The following TSNAXIP1 variants were observed in gnomAD, a reference collection of about 807,000 sequenced individuals.
TSNAXIP1 encodes the protein translin-associated factor X-interacting protein 1.
In TSNAXIP1, 89 loss-of-function variants were observed where a neutral mutation model predicts 84.8. The ratio of observed to expected loss-of-function variants is 1.05; its 90% CI spans 0.88 to 1.25. The LOEUF (loss-of-function observed/expected upper bound fraction) is 1.25, where lower values mean the gene tolerates loss of function less well. Among genes scored for constraint, TSNAXIP1 ranks in the 50% most tolerant of loss-of-function variants. The pLI, the probability that TSNAXIP1 is intolerant of heterozygous loss-of-function variation, is 0.00. For synonymous variants in TSNAXIP1, 347 were observed against 335.2 expected (o/e 1.04, Z -0.39); for missense variants, 874 against 887.6 (o/e 0.98, Z 0.20).
rs773999682 is a variant in TSNAXIP1, at chr16:67,825,946, G to T, written c.1014G>T (p.Glu338Asp). 2 of 1,614,090 alleles carry T rather than the reference G, an allele frequency of 1.2e-6. No individual in the cohort carries two copies. Among genetic ancestry groups the T allele is most frequent in the South Asian group, 2.2e-5 (2 of 91,082 alleles). The change falls in exon 9 of 16, where the codon GAG becomes GAT. Residue 338 changes from glutamate to aspartate, a missense_variant. Transcript: ENST00000561639. Reference protein sequence around the residue: ...QLDTLRASYEEVRKEHEILMQ... With the variant: ...QLDTLRASYEDVRKEHEILMQ... ...ACACCCTGAGAGCCAGCTACGAGGA[G>T]GTTCGCAAGGAGCATGAGATCCTCA...
rs1036885786 is a variant in TSNAXIP1 at position 67,827,264 on chromosome 16, T to C, written c.1680T>C (p.Ser560=). Residue 560 remains serine (S), a synonymous_variant, in exon 14 of 16, where the codon AGT becomes AGC. Transcript: ENST00000561639. ...TMEQFNTVLK[S]TFPLKTEEQI... ...TCCCCTACAGCACTGTCCTCAAGAGTACCTTCCCTCTCAAGACAGAAGAGC... is the reference window on the plus strand; with the variant it reads ...TCCCCTACAGCACTGTCCTCAAGAGCACCTTCCCTCTCAAGACAGAAGAGC... 6.2e-7 allele frequency: 1 copy of C among 1,613,898 alleles called. No homozygotes were observed. Among genetic ancestry groups the C allele is most frequent in the East Asian group, 2.2e-5 (1 of 44,862 alleles).
At chr16:67,808,008 G>T (rs774820465) in intron 1 of TSNAXIP1, among the ~76,000 whole-genome samples, 4 of 152,106 alleles carry the variant, frequency 2.6e-5, no homozygotes, top group South Asian at 2.1e-4. Flanking sequence ...CTAGTTTTGG[G>T]ACTTCAGACA....
At chr16:67,826,888 T>C in intron 12 of TSNAXIP1, 44 bp downstream of exon 12, 1 of 1,611,924 alleles carries the variant, frequency 6.2e-7, no homozygotes, top group Non-Finnish European at 8.5e-7. Context: ...AGAGGGGTCT[T>C]TGTCCCTAGC....
At chr16:67,824,390 T>G (rs2057289309) in intron 5 of TSNAXIP1, among the ~76,000 whole-genome samples, 193 bp from the exon 6 acceptor site, 1 of 152,176 alleles carries the variant, frequency 6.6e-6, no homozygotes, top group Admixed American at 6.5e-5. Flanking sequence ...GACCCCGGTC[T>G]TCATCTGAAC....
intron 4 of TSNAXIP1, among the ~76,000 whole-genome samples, chr16:67,822,664 G>C (rs2057154413): frequency 6.6e-6 from 1 of 152,192 alleles, no homozygotes; most frequent in African/African-American, 2.4e-5. Context: ...GATGATGACA[G>C]AGAATCCCTG....
At chr16:67,826,872 A>G in intron 12 of TSNAXIP1, 28 bp downstream of exon 12, 5 of 1,611,750 alleles carry the variant, frequency 3.1e-6, no homozygotes, top group Non-Finnish European at 4.2e-6. Flanking sequence ...CCCCTTGGGG[A>G]GACTGAGAGG....
rs1166077442 is a variant in TSNAXIP1, at chr16:67,827,547, AC to A, written c.1867del (p.Gln623SerfsTer3). ...ACATGGATGAGAAGGACGAGTACTT[AC>A]AGCAGCTAAAGCAGGAGCTTGGCAT... ...QYMDEKDEYLQQLKQELGIEL... is the reference protein window; with the variant it reads ...QYMDEKDEYLXQLKQELGIEL... On this transcript the variant is annotated frameshift_variant, in exon 15 of 16. Coordinates refer to ENST00000561639, the MANE Select transcript of TSNAXIP1 (RefSeq NM_001288990.3). LOFTEE classifies it low-confidence loss of function (END_TRUNC). The A allele has an allele frequency of 1.2e-6, 2 of 1,614,080 alleles. No homozygotes were observed. The highest frequency in any genetic ancestry group is 1.7e-6 in the Non-Finnish European group (2 of 1,180,042).
intron 10 of TSNAXIP1, 33 bp downstream of exon 10, chr16:67,826,315 AG>A (rs1235579358): frequency 3.8e-6 from 6 of 1,583,264 alleles, no homozygotes; most frequent in Non-Finnish European, 5.2e-6. Flanking sequence ...GGCTTGGGCC[AG>A]AGTCAGAACA....
At chr16:67,813,094 T>C (rs1468654158) in intron 1 of TSNAXIP1, among the ~76,000 whole-genome samples, 2 of 151,776 alleles carry the variant, frequency 1.3e-5, no homozygotes, top group Admixed American at 6.6e-5. Context: ...CTCATTCTTA[T>C]TTAAACTTCA....
rs780050472 is a variant in TSNAXIP1, at chr16:67,826,854, G to C, written c.1554+10G>C. On this transcript the variant is annotated intron_variant, in intron 12 of 15. Transcript: ENST00000561639. ...AGTCTTGATGGGAAAGGTGAGCTGG[G>C]GCCTATTCCCCTTGGGGAGACTGAG... The C allele has an allele frequency of 6.2e-7, 1 of 1,612,768 alleles. No homozygotes were observed. Among genetic ancestry groups the C allele is most frequent in the Middle Eastern group, 1.6e-4 (1 of 6,062 alleles).
chr16:67,808,643 C>T (rs1288798864), intron 1 of TSNAXIP1, among the ~76,000 whole-genome samples: 1 of 151,110 alleles, frequency 6.6e-6, no homozygotes, highest in Non-Finnish European at 1.5e-5. Context: ...GAGGCTGAGG[C>T]AGGAGAATCG....
rs766271114 is a variant in TSNAXIP1 at position 67,825,716 on chromosome 16, C to T, written c.864C>T (p.Thr288=). ...AGTTAACCCTGGCTCTTAAGATGACCCGGCAAGACCTGACCCGCACGCAGA... is the reference window on the plus strand; with the variant it reads ...AGTTAACCCTGGCTCTTAAGATGACTCGGCAAGACCTGACCCGCACGCAGA... ...PVKLTLALKM[T]RQDLTRTQME... is the part of the protein sequence containing the mutation. Residue 288 remains threonine (T), a synonymous_variant, in exon 8 of 16, where the codon ACC becomes ACT. Coordinates refer to ENST00000561639, the MANE Select transcript of TSNAXIP1 (RefSeq NM_001288990.3). 6.2e-7 allele frequency: 1 copy of T among 1,613,998 alleles called. No individual in the cohort carries two copies. The highest frequency in any genetic ancestry group is 1.3e-5 in the African/African-American group (1 of 74,912).
intron 1 of TSNAXIP1, among the ~76,000 whole-genome samples, chr16:67,809,819 T>C (rs2055878426): frequency 3.3e-5 from 5 of 151,332 alleles, no homozygotes. Flanking sequence ...GGTAGTGGCA[T>C]GCACCTGTAA....
Position 67,825,909 on chromosome 16 carries a change from GC to G in TSNAXIP1, c.985-5del. 1 of 1,614,072 alleles carries G rather than the reference GC, an allele frequency of 6.2e-7. No individual in the cohort carries two copies. Among genetic ancestry groups the G allele is most frequent in the Non-Finnish European group, 8.5e-7 (1 of 1,180,012 alleles). ...GTGGGGGGCCAGGGCCAATGTCCTT[GC>G]CCACAGCTGGACACCCTGAGAGCCA... On this transcript the variant is annotated splice_region_variant and splice_polypyrimidine_tract_variant and intron_variant, in intron 8 of 15. Coordinates refer to ENST00000561639, the MANE Select transcript of TSNAXIP1 (RefSeq NM_001288990.3).
At position 67,825,278 on chromosome 16, in the gene TSNAXIP1, C is replaced by A; in HGVS notation, c.814+6C>A. ...GTCATTAGCCCAGTCGCCAGGTAAGCCTGAATTGGGAATCGGGTTTCTCTC... is the reference window on the plus strand; with the variant it reads ...GTCATTAGCCCAGTCGCCAGGTAAGACTGAATTGGGAATCGGGTTTCTCTC... On this transcript the variant is annotated splice_donor_region_variant and intron_variant, in intron 7 of 15. Coordinates refer to ENST00000561639, the MANE Select transcript of TSNAXIP1 (RefSeq NM_001288990.3). 3 of 1,613,768 alleles carry A rather than the reference C, an allele frequency of 1.9e-6. No homozygotes were observed. Among genetic ancestry groups the A allele is most frequent in the Non-Finnish European group, 2.5e-6 (3 of 1,179,830 alleles).
chr16:67,826,232 G>GA lies in TSNAXIP1; in HGVS notation c.1227dup (p.Glu410ArgfsTer29). 6.2e-7 allele frequency: 1 copy of GA among 1,600,134 alleles called. No homozygotes were observed. The highest frequency in any genetic ancestry group is 1.7e-5 in the Admixed American group (1 of 59,216). On this transcript the variant is annotated frameshift_variant, in exon 10 of 16. Transcript: ENST00000561639. LOFTEE classifies it high-confidence loss of function. ...CGACCAGCTGGTGGACGTGCTCCTG[G>GA]AAGAGATTGGTTCGGGGCTGCTGCG...
Position 67,826,996 on chromosome 16 carries a change from A to T in TSNAXIP1, c.1588A>T (p.Thr530Ser), listed in dbSNP as rs778768026. The change falls in exon 13 of 16, where the codon ACA (threonine) becomes TCA (serine). Residue 530 changes from threonine (T) to serine (S), a missense_variant. Thr to Ser is a moderately conservative substitution (Grantham distance 58, BLOSUM62 1). Coordinates refer to ENST00000561639, the MANE Select transcript of TSNAXIP1 (RefSeq NM_001288990.3). Reference protein sequence around the residue: ...SENVYVTQKETVAQLLKEMTN... With the variant: ...SENVYVTQKESVAQLLKEMTN... ...GAATGTGTATGTCACCCAGAAGGAG[A>T]CAGTAGCCCAGCTGCTGAAGGAGAT... 9 of 1,614,034 alleles carry T rather than the reference A, an allele frequency of 5.6e-6. No homozygotes were observed. The African/African-American group carries it at 1.2e-4, about 22-fold the overall frequency.
chr16:67,824,016 C>T (rs1598088660), intron 5 of TSNAXIP1, among the ~76,000 whole-genome samples: 1 of 44,222 alleles, frequency 2.3e-5, no homozygotes, highest in African/African-American at 1.4e-4. Flanking sequence ...AAGACTCCAT[C>T]GCAAAAAAAA....
At chr16:67,813,630 T>C (rs1364671789) in intron 1 of TSNAXIP1, among the ~76,000 whole-genome samples, 8 of 146,118 alleles carry the variant, frequency 5.5e-5, no homozygotes, top group Admixed American at 4.3e-4. Context: ...CTACTCGGGA[T>C]GCTGAGGCAG....
Sources: allele counts gnomAD v4.1 joint callset (sites outside exome capture counted in the v4.1 genomes callset), GRCh38; gene constraint gnomAD v4.1.1; transcripts MANE v1.5; gene names NCBI Gene and HGNC (gene_info 2026-07-23, HGNC 2026-07-21).